The following CEP85L variants were observed in gnomAD, a reference collection of about 807,000 sequenced individuals.
CEP85L encodes the protein centrosomal protein 85L.
A neutral mutation model predicts 100.3 loss-of-function variants in CEP85L; 60 were observed. The observed-to-expected ratio is 0.60, with a 90% CI of 0.49 to 0.74. The LOEUF (loss-of-function observed/expected upper bound fraction) is 0.74, where lower values mean the gene tolerates loss of function less well. Among genes scored for constraint, CEP85L ranks in the 30% least tolerant of loss-of-function variants. The pLI, the probability that CEP85L is intolerant of heterozygous loss-of-function variation, is 0.00. For synonymous variants in CEP85L, 319 were observed against 322.7 expected (o/e 0.99, Z 0.12); for missense variants, 973 against 936.2 (o/e 1.04, Z -0.51).
rs138089888 is a variant in CEP85L, at chr6:118,511,363, G to A, written c.1192C>T (p.Arg398Trp). Residue 398 changes from arginine to tryptophan, a missense_variant, in exon 5 of 13, where the codon CGG (arginine) becomes TGG (tryptophan). Coordinates refer to ENST00000368491, the MANE Select transcript of CEP85L (RefSeq NM_001042475.3). ...TGTCCTAACATGGCATGTTGAGCCC[G>A]TAATTCATTATCCCTTATCCTCTCA... The part of the protein sequence containing the change: ...LHERIRDNEL[R>W]AQHAMLGHYV... 72 of 1,613,034 alleles carry A rather than the reference G, an allele frequency of 4.5e-5. No individual in the cohort carries two copies. In the African/African-American group the frequency reaches 8.4e-4, roughly 19 times the overall value.
intron 8 of CEP85L, among the ~76,000 whole-genome samples, chr6:118,481,507 T>TCAAAGGAGATGCC (rs1773781475): frequency 1.3e-5 from 2 of 152,044 alleles, no homozygotes; most frequent in Non-Finnish European, 2.9e-5. Flanking sequence ...GACATGATGC[T>TCAAAGGAGATGCC]CAAAGGAGAT....
chr6:118,666,324 A>G (rs1410081828), intron 1 of CEP85L, among the ~76,000 whole-genome samples: 1 of 152,232 alleles, frequency 6.6e-6, no homozygotes. Flanking sequence ...ATAGTCTGCT[A>G]CAATTTTAAA....
intron 10 of CEP85L, 22 bp from the exon 11 acceptor site, chr6:118,470,666 G>A: frequency 7.0e-7 from 1 of 1,432,332 alleles, no homozygotes; most frequent in Non-Finnish European, 9.7e-7. Flanking sequence ...AAAAAAATTG[G>A]AAAGCAAAAC....
chr6:118,595,484 ATCCTC>A (rs1363493437), intron 2 of CEP85L, among the ~76,000 whole-genome samples: 1 of 152,140 alleles, frequency 6.6e-6, no homozygotes, highest in Non-Finnish European at 1.5e-5. Flanking sequence ...TTCTCATGTA[ATCCTC>A]TCCTCCATGT....
chr6:118,707,605 C>T lies in CEP85L; in HGVS notation c.-28+2431G>A, dbSNP rs144591230. ...ATTTTCTGTTATTACAAAGAATGTGCTAATGAGATGCTTATGCATTTATTT... is the reference window on the plus strand; with the variant it reads ...ATTTTCTGTTATTACAAAGAATGTGTTAATGAGATGCTTATGCATTTATTT... On this transcript the variant is annotated intron_variant, in intron 1 of 13. Coordinates refer to the CEP85L transcript ENST00000368488. Among the ~76,000 whole-genome samples the T allele has an allele frequency of 2.1e-3, 318 of 152,272 alleles. 2 individuals carry two copies. Among genetic ancestry groups the T allele is most frequent in the African/African-American group, 7.0e-3 (292 of 41,556 alleles).
At position 118,610,585 on chromosome 6, in the gene CEP85L, C is replaced by T. The variant is rs1304601086; in HGVS notation, c.232+21868G>A. On this transcript the variant is annotated intron_variant, in intron 2 of 12. Coordinates refer to ENST00000368491, the MANE Select transcript of CEP85L (RefSeq NM_001042475.3). ...CCCTACCCAGCAGTAACAAGGTGCT[C>T]TTCCTTATCCCTCAGGTATCAGCAA... 2.6e-5 allele frequency among the ~76,000 whole-genome samples: 4 copies of T among 152,180 alleles called. No individual in the cohort carries two copies. The East Asian group carries it at 7.7e-4, about 29-fold the overall frequency.
chr6:118,620,857 T>C (rs1421961712), intron 2 of CEP85L, among the ~76,000 whole-genome samples: 1 of 152,166 alleles, frequency 6.6e-6, no homozygotes, highest in African/African-American at 2.4e-5. Context: ...ACCTTGCTCT[T>C]TTCACGTCTT....
intron 2 of CEP85L, among the ~76,000 whole-genome samples, chr6:118,582,578 A>G (rs1780635208): frequency 6.6e-6 from 1 of 152,216 alleles, no homozygotes; most frequent in African/African-American, 2.4e-5. Context: ...TTGGAACCCC[A>G]ATAACGCAGG....
At chr6:118,601,478 C>CTTAT (rs1365513911) in intron 2 of CEP85L, among the ~76,000 whole-genome samples, 2 of 152,166 alleles carry the variant, frequency 1.3e-5, no homozygotes, top group African/African-American at 4.8e-5. Context: ...TTTCCCCATG[C>CTTAT]TTATGTATAT....
chr6:118,627,264 T>C (rs1773864425), intron 2 of CEP85L, among the ~76,000 whole-genome samples: 1 of 151,116 alleles, frequency 6.6e-6, no homozygotes, highest in South Asian at 2.1e-4. Context: ...GAAGAGACAT[T>C]TCACTGAAGA....
At chr6:118,527,819 CTACT>C (rs938994296) in intron 3 of CEP85L, among the ~76,000 whole-genome samples, 33 of 151,944 alleles carry the variant, frequency 2.2e-4, no homozygotes, top group African/African-American at 7.5e-4. Context: ...TTTTATTTAC[CTACT>C]GAGTTATACA....
rs1397099544 is a variant in CEP85L at position 118,651,361 on chromosome 6, G to C, written c.-92C>G. 4 of 1,376,802 alleles carry C rather than the reference G, an allele frequency of 2.9e-6. No homozygotes were observed. Among genetic ancestry groups the C allele is most frequent in the Non-Finnish European group, 3.7e-6 (4 of 1,066,698 alleles). 85.3% of individuals were successfully genotyped at this position (1,376,802 alleles called of 1,614,324 possible). Reference sequence around the variant, plus strand: ...GCGGCGGAAACTTGCGCGGAGCGTGGGCCTCGGCGACACGGGCAGGAGGAA... The same window carrying C: ...GCGGCGGAAACTTGCGCGGAGCGTGCGCCTCGGCGACACGGGCAGGAGGAA... On this transcript the variant is annotated 5_prime_UTR_variant, in exon 1 of 13. Coordinates refer to ENST00000368491, the MANE Select transcript of CEP85L (RefSeq NM_001042475.3).
At chr6:118,499,912 A>G (rs747569435) in intron 5 of CEP85L, among the ~76,000 whole-genome samples, 2 of 152,156 alleles carry the variant, frequency 1.3e-5, no homozygotes, top group African/African-American at 2.4e-5. Context: ...GAGTACATAA[A>G]AGGTATACTG....
chr6:118,686,487 G>A (rs116950236), intron 1 of CEP85L, among the ~76,000 whole-genome samples: 2,047 of 152,150 alleles, frequency 0.013, 22 homozygotes, highest in Admixed American at 0.021. Context: ...GGTCTTCTGT[G>A]TCTGTATTCT....
chr6:118,708,467 T>G (rs1777672490), intron 1 of CEP85L, among the ~76,000 whole-genome samples: 1 of 152,204 alleles, frequency 6.6e-6, no homozygotes, highest in Non-Finnish European at 1.5e-5. Flanking sequence ...AACAAAATTG[T>G]GTTAATAAAA....
At chr6:118,652,861 T>A, upstream of CEP85L, 1 of 774,620 alleles carries the variant, frequency 1.3e-6, no homozygotes, top group Non-Finnish European at 2.1e-6. Context: ...TGGTTCCTTT[T>A]TATTATTTTA....
chr6:118,551,331 CA>C (rs377690383), intron 3 of CEP85L, among the ~76,000 whole-genome samples: 7 of 149,624 alleles, frequency 4.7e-5, no homozygotes, highest in Non-Finnish European at 7.5e-5. Flanking sequence ...AACCCCCGCA[CA>C]AAAAAAAAGG....
At chr6:118,610,580 G>A (rs1425056426) in intron 2 of CEP85L, among the ~76,000 whole-genome samples, 1 of 152,044 alleles carries the variant, frequency 6.6e-6, no homozygotes, top group Admixed American at 6.6e-5. Context: ...CAGTAACAAG[G>A]TGCTCTTCCT....
chr6:118,542,220 A>G (rs1181083215), intron 3 of CEP85L, among the ~76,000 whole-genome samples: 10 of 152,198 alleles, frequency 6.6e-5, no homozygotes, highest in African/African-American at 2.4e-5. Context: ...TATTTTTAAT[A>G]AACAGCACAC....
Sources: gnomAD v4.1 joint callset for allele counts (sites outside exome capture counted in the v4.1 genomes callset) on GRCh38, gnomAD v4.1.1 for gene constraint, MANE v1.5 for transcripts, NCBI Gene and HGNC (gene_info 2026-07-23, HGNC 2026-07-21) for gene names.